Variants in COL5A3 observed in about 807,000 individuals in gnomAD.
The protein encoded by COL5A3 is collagen type V alpha 3 chain, also known as collagen alpha-3(V) chain.
COL5A3 carries 172 observed loss-of-function variants against 250.0 expected under a neutral mutation model. The ratio of observed to expected loss-of-function variants is 0.69; its 90% CI spans 0.61 to 0.78. The LOEUF (loss-of-function observed/expected upper bound fraction) is 0.78, where lower values mean the gene tolerates loss of function less well. COL5A3 is among the 30% of genes least tolerant of loss of function. COL5A3 has a pLI of 0.00. For missense variants in COL5A3, 2,340 were observed against 2,334.4 expected, an observed-to-expected ratio of 1.00 and a Z score of -0.05; for synonymous variants, 937 against 900.4, an observed-to-expected ratio of 1.04 and a Z score of -0.73.
chr19:9,988,044 G>A (rs531522336), intron 27 of COL5A3, among the ~76,000 whole-genome samples: 1 of 152,050 alleles, frequency 6.6e-6, no homozygotes, highest in Non-Finnish European at 1.5e-5. Flanking sequence ...AGACCAGCCT[G>A]ACCAACATGG....
intron 54 of COL5A3, 111 bp downstream of exon 54, chr19:9,970,511 T>C: frequency 2.3e-6 from 1 of 429,428 alleles, no homozygotes; most frequent in Non-Finnish European, 3.5e-6. Flanking sequence ...GTGGGGTCTG[T>C]GGGTGTGTGG....
rs767626452 is a variant in COL5A3 at position 9,991,694 on chromosome 19, G to A, written c.1948-40C>T. On this transcript the variant is annotated intron_variant, in intron 23 of 66. Coordinates refer to ENST00000264828, the MANE Select transcript of COL5A3 (RefSeq NM_015719.4). ...AGAAGATGAGAGAAGGCATAAGAAA[G>A]AAGCGGTGAGTGTGGAGGTTGGGAA... 4 of 1,610,092 alleles carry A rather than the reference G, an allele frequency of 2.5e-6. No individual in the cohort carries two copies. In the African/African-American group the frequency reaches 5.3e-5, roughly 22 times the overall value.
At chr19:9,965,819 G>A (rs1283038906) in intron 64 of COL5A3, among the ~76,000 whole-genome samples, 1 of 152,054 alleles carries the variant, frequency 6.6e-6, no homozygotes, top group African/African-American at 2.4e-5. Context: ...CATAAAAGCA[G>A]AGATAGTTTG....
At chr19:9,983,588 GAAAGAA>G (rs1169400453) in intron 31 of COL5A3, among the ~76,000 whole-genome samples, 4 of 73,114 alleles carry the variant, frequency 5.5e-5, no homozygotes, top group Non-Finnish European at 1.2e-4. Flanking sequence ...AAGAAAGAAA[GAAAGAA>G]AGAAAGAGAA....
intron 8 of COL5A3, among the ~76,000 whole-genome samples, chr19:10,000,374 C>T (rs2087341968): frequency 1.3e-5 from 2 of 151,674 alleles, no homozygotes; most frequent in African/African-American, 4.8e-5. Flanking sequence ...GGTCACGTCC[C>T]GACTGCAGAT....
Position 9,968,616 on chromosome 19 carries a change from A to C in COL5A3, c.4206+59T>G. On this transcript the variant is annotated intron_variant, in intron 58 of 66. Coordinates refer to ENST00000264828, the MANE Select transcript of COL5A3 (RefSeq NM_015719.4). The surrounding 1 kb of genome is among the most constrained non-coding windows in gnomAD (Gnocchi z 4.1). Reference sequence around the variant, plus strand: ...GCACCAATCTCCCAGCCCCCCAGCCAGGGAGGGAGGGAAAGAGGGGAGGAG... The same window carrying C: ...GCACCAATCTCCCAGCCCCCCAGCCCGGGAGGGAGGGAAAGAGGGGAGGAG... The C allele has an allele frequency of 1.9e-6, 3 of 1,578,414 alleles. No individual in the cohort carries two copies. Among genetic ancestry groups the C allele is most frequent in the Non-Finnish European group, 2.6e-6 (3 of 1,149,920 alleles).
At position 9,998,006 on chromosome 19, in the gene COL5A3, G is replaced by A; in HGVS notation, c.1178C>T (p.Pro393Leu). 1 of 1,614,072 alleles carries A rather than the reference G, an allele frequency of 6.2e-7. No homozygotes were observed. The highest frequency in any genetic ancestry group is 8.5e-7 in the Non-Finnish European group (1 of 1,180,014). ...TACTTGGGGTCCTGGGGCTCCTGGA[G>A]GTCCCTCAAACTGCTGCCCCTGAAG... ...VIEKGQQFEG[P>L]PGAPGPQGVV... The change falls in exon 10 of 67, where the codon CCT (proline) becomes CTT (leucine). Residue 393 changes from proline (P) to leucine (L), a missense_variant. Around this residue, in one of 3 missense-constraint regions of COL5A3, gnomAD observed 1,152 missense variants for 1,146.3 expected, o/e 1.00. Coordinates refer to ENST00000264828, the MANE Select transcript of COL5A3 (RefSeq NM_015719.4).
chr19:9,977,562 G>A (rs773998136), intron 42 of COL5A3, 32 bp downstream of exon 42: 2 of 1,538,318 alleles, frequency 1.3e-6, no homozygotes, highest in African/African-American at 1.4e-5. Context: ...ACCCTGAGGA[G>A]GCCCTAGGAA....
intron 32 of COL5A3, among the ~76,000 whole-genome samples, chr19:9,981,732 G>A (rs1216633829): frequency 1.3e-5 from 2 of 152,192 alleles, no homozygotes; most frequent in Non-Finnish European, 2.9e-5. Context: ...CAAGCTTCTT[G>A]CACACATTTA....
At chr19:9,965,540 G>A (rs1019062154) in intron 64 of COL5A3, among the ~76,000 whole-genome samples, 12 of 148,600 alleles carry the variant, frequency 8.1e-5, no homozygotes, top group Admixed American at 1.3e-4. Flanking sequence ...TGCAACCTCC[G>A]TCTCCCAAGT....
intron 8 of COL5A3, among the ~76,000 whole-genome samples, chr19:10,000,854 T>C (rs1445975610): frequency 1.3e-5 from 2 of 152,036 alleles, no homozygotes; most frequent in African/African-American, 4.8e-5. Context: ...GAAGACCATA[T>C]ACCACATGTT....
At position 9,979,891 on chromosome 19, in the gene COL5A3, C is replaced by A. The variant is rs760681336; in HGVS notation, c.2660G>T (p.Gly887Val). 1.3e-6 allele frequency: 2 copies of A among 1,572,416 alleles called. No individual in the cohort carries two copies. The highest frequency in any genetic ancestry group is 1.2e-5 in the South Asian group (1 of 83,402). The change falls in exon 37 of 67, where the codon GGT (glycine) becomes GTT (valine). Residue 887 changes from glycine (G) to valine (V), a missense_variant and splice_region_variant. Around this residue, in one of 3 missense-constraint regions of COL5A3, gnomAD observed 1,179 missense variants for 1,162.6 expected, o/e 1.01. Coordinates refer to ENST00000264828, the MANE Select transcript of COL5A3 (RefSeq NM_015719.4). ...TGGTCGCCCATCTTTACCTTGGTGA[C>A]CCTGGGGGATGAGGTGGGAAAAAGT... Reference protein sequence around the residue: ...PGFPGPKGPPGHQGKDGRPGH... With the variant: ...PGFPGPKGPPVHQGKDGRPGH...
rs1453789513 is a variant in COL5A3, at chr19:9,968,566, G to A, written c.4207-74C>T. The A allele has an allele frequency of 1.9e-6, 3 of 1,578,666 alleles. No homozygotes were observed. The highest frequency in any genetic ancestry group is 1.1e-5 in the South Asian group (1 of 88,562). On this transcript the variant is annotated intron_variant, in intron 58 of 66. Coordinates refer to ENST00000264828, the MANE Select transcript of COL5A3 (RefSeq NM_015719.4). This position sits in a 1 kb window ranked among gnomAD's most constrained non-coding sequence, Gnocchi z 4.1. ...GGAGGTTTTTCTCCTAGAGCCTTAG[G>A]GTGATGAGTTTGGGAGCAGAGGATG... is the stretch of plus-strand genomic sequence containing the variant.
chr19:9,974,311 G>A lies in COL5A3; in HGVS notation c.3440C>T (p.Pro1147Leu), dbSNP rs1260436274. Residue 1147 changes from proline to leucine, a missense_variant, in exon 46 of 67, where the codon CCT (proline) becomes CTT (leucine). By Grantham distance (98) the Pro-to-Leu change is moderately conservative. Coordinates refer to ENST00000264828, the MANE Select transcript of COL5A3 (RefSeq NM_015719.4). ...AACCCAGACACCCACCTGCAGTCCAGGAGGGCCAATCACCCCCACAAAGCC... is the reference window on the plus strand; with the variant it reads ...AACCCAGACACCCACCTGCAGTCCAAGAGGGCCAATCACCCCCACAAAGCC... ...VRGFVGVIGP[P>L]GLQGLPGPPG... is the part of the protein sequence containing the mutation. 1.2e-6 allele frequency: 2 copies of A among 1,611,678 alleles called. No homozygotes were observed. Among genetic ancestry groups the A allele is most frequent in the East Asian group, 2.2e-5 (1 of 44,824 alleles).
At chr19:9,973,367 G>C (rs189897779) in intron 50 of COL5A3, among the ~76,000 whole-genome samples, 6 of 152,284 alleles carry the variant, frequency 3.9e-5, no homozygotes, top group Admixed American at 3.9e-4. Context: ...ATGTAGTCTT[G>C]TGTAGTGTGC....
intron 31 of COL5A3, among the ~76,000 whole-genome samples, chr19:9,983,300 G>A (rs2087035089): frequency 6.6e-6 from 1 of 151,840 alleles, no homozygotes; most frequent in Non-Finnish European, 1.5e-5. Flanking sequence ...CTGGGAGTTT[G>A]AGATCAGCCT....
Position 9,966,768 on chromosome 19 carries a change from G to C in COL5A3, c.4459-22C>G, listed in dbSNP as rs749772615. 5 of 1,515,052 alleles carry C rather than the reference G, an allele frequency of 3.3e-6. No homozygotes were observed. The South Asian group carries it at 4.8e-5, about 15-fold the overall frequency. 93.9% of individuals were successfully genotyped at this position (1,515,052 alleles called of 1,614,324 possible). ...CACCCTGGGCGTAGGGGATGGGGAC[G>C]GAGAAGAGAGGGGAGATGGGGGAGG... On this transcript the variant is annotated intron_variant, in intron 62 of 66. Coordinates refer to ENST00000264828, the MANE Select transcript of COL5A3 (RefSeq NM_015719.4).
At chr19:9,983,551 A>G (rs2087041551) in intron 31 of COL5A3, among the ~76,000 whole-genome samples, 1 of 77,312 alleles carries the variant, frequency 1.3e-5, no homozygotes, top group African/African-American at 4.2e-5. Flanking sequence ...AAAGAAAGAA[A>G]GAAAGAAAGA....
At position 9,978,943 on chromosome 19, in the gene COL5A3, C is replaced by T. The variant is rs1469321485; in HGVS notation, c.2912G>A (p.Gly971Glu). The change falls in exon 40 of 67, where the codon GGG becomes GAG. Residue 971 changes from glycine to glutamate, a missense_variant. Transcript: ENST00000264828. The part of the protein sequence containing the change: ...LGPPGPLGKE[G>E]PAGLRGFPGP... ...GGGAAAGCCCCTGAGTCCAGCTGGC[C>T]CTTCTTTCCCAAGGGGTCCTGGTGG... The T allele has an allele frequency of 6.5e-7, 1 of 1,531,732 alleles. No individual in the cohort carries two copies. Among genetic ancestry groups the T allele is most frequent in the Non-Finnish European group, 8.8e-7 (1 of 1,142,804 alleles). The allele number at this position is 1,531,732 out of a possible 1,614,324, so 94.9% of individuals were successfully genotyped here.
Sources: allele counts gnomAD v4.1 joint callset (sites outside exome capture counted in the v4.1 genomes callset), GRCh38; gene constraint gnomAD v4.1.1; regional missense constraint gnomAD v4.1.1; non-coding constraint Gnocchi (gnomAD v3.1); transcripts MANE v1.5; gene names NCBI Gene and HGNC (gene_info 2026-07-23, HGNC 2026-07-21).